The following CASP4 variants were observed in gnomAD, a reference collection of about 807,000 sequenced individuals.
The protein encoded by CASP4 is caspase 4.
CASP4 carries 29 observed loss-of-function variants against 41.3 expected under a neutral mutation model. The ratio of observed to expected loss-of-function variants is 0.70; its 90% CI spans 0.52 to 0.96. The LOEUF (loss-of-function observed/expected upper bound fraction) is 0.96. CASP4 is among the 40% of genes least tolerant of loss of function. The pLI, the probability that CASP4 is intolerant of heterozygous loss-of-function variation, is 0.00. For synonymous variants in CASP4, 185 were observed against 158.4 expected, an observed-to-expected ratio of 1.17 and a Z score of -1.26; for missense variants, 447 against 460.6, an observed-to-expected ratio of 0.97 and a Z score of 0.27.
At position 104,968,552 on chromosome 11, in the gene CASP4, A is replaced by G. The variant is rs1400694710; in HGVS notation, c.-27T>C. The G allele has an allele frequency of 6.2e-7, 1 of 1,612,468 alleles. No homozygotes were observed. The highest frequency in any genetic ancestry group is 1.1e-5 in the South Asian group (1 of 91,044). On this transcript the variant is annotated 5_prime_UTR_variant, in exon 1 of 9. Transcript: ENST00000444739. ...GGGAACAGCCTCTGTCCTTTTTTAC[A>G]GCGTTGGAAAGAGCCTCAGAGTCAA...
intron 1 of CASP4, among the ~76,000 whole-genome samples, chr11:104,962,092 G>GT (rs1565369630): frequency 1.3e-5 from 2 of 152,142 alleles, no homozygotes; most frequent in Admixed American, 1.3e-4. Context: ...ATGTTAAATG[G>GT]TTCCCCATGC....
chr11:104,961,944 G>T (rs1860870133), intron 1 of CASP4, among the ~76,000 whole-genome samples: 1 of 152,158 alleles, frequency 6.6e-6, no homozygotes. Context: ...CTGTTCTGAG[G>T]TCGTCCCTCC....
intron 5 of CASP4, 154 bp from the exon 6 acceptor site, chr11:104,948,830 A>ACACACG: frequency 2.1e-6 from 1 of 465,490 alleles, no homozygotes; most frequent in East Asian, 3.2e-5. Flanking sequence ...ACACACACAC[A>ACACACG]CACACACCAC....
intron 7 of CASP4, among the ~76,000 whole-genome samples, chr11:104,945,864 T>A (rs1293942244): frequency 6.6e-6 from 1 of 152,074 alleles, no homozygotes. Flanking sequence ...TTTCTTTTTT[T>A]AAGACAGGGT....
intron 1 of CASP4, among the ~76,000 whole-genome samples, chr11:104,963,653 T>A (rs540813): frequency 0.41 from 62,341 of 152,148 alleles, 13,763 homozygotes; most frequent in East Asian, 0.77. Context: ...CTGGGCCACC[T>A]GGAAGATACG....
At chr11:104,951,873 A>G (rs887708513) in intron 3 of CASP4, 23 bp downstream of exon 3, 5 of 1,453,928 alleles carry the variant, frequency 3.4e-6, no homozygotes, top group Admixed American at 3.4e-5. Flanking sequence ...TTTTTTTTCT[A>G]TTTCATATAG....
intron 1 of CASP4, among the ~76,000 whole-genome samples, chr11:104,958,519 A>G (rs1860786594): frequency 6.6e-6 from 1 of 152,200 alleles, no homozygotes; most frequent in Non-Finnish European, 1.5e-5. Context: ...GTATATGAAA[A>G]ATGATCAACC....
At chr11:104,963,850 T>C (rs1040219860) in intron 1 of CASP4, among the ~76,000 whole-genome samples, 2 of 152,176 alleles carry the variant, frequency 1.3e-5, no homozygotes, top group African/African-American at 2.4e-5. Context: ...TCCTTCATTT[T>C]GGAGATCTGT....
chr11:104,961,152 C>G (rs1039787483), intron 1 of CASP4, among the ~76,000 whole-genome samples: 5 of 152,250 alleles, frequency 3.3e-5, no homozygotes, highest in Non-Finnish European at 7.3e-5. Context: ...GCCTAGTTCT[C>G]TTGGACTGGG....
chr11:104,960,377 G>C (rs1281110226), intron 1 of CASP4, among the ~76,000 whole-genome samples: 1 of 152,140 alleles, frequency 6.6e-6, no homozygotes, highest in Non-Finnish European at 1.5e-5. Flanking sequence ...AATCCTCTCT[G>C]ATTCTTCCAG....
At position 104,954,945 on chromosome 11, in the gene CASP4, G is replaced by T. The variant is rs752867454; in HGVS notation, c.64C>A (p.Leu22Ile). The T allele has an allele frequency of 6.2e-7, 1 of 1,613,604 alleles. No homozygotes were observed. The highest frequency in any genetic ancestry group is 1.7e-5 in the Admixed American group (1 of 59,918). The change falls in exon 2 of 9, where the codon CTC becomes ATC. Residue 22 changes from leucine to isoleucine, a missense_variant. Coordinates refer to ENST00000444739, the MANE Select transcript of CASP4 (RefSeq NM_001225.4). ...KVLESLGKDF[L>I]TGVLDNLVEQ... is the part of the protein sequence containing the mutation. ...ACCAAGTTATCCAAAACACCAGTGA[G>T]GAAATCTTTGCCCAGGGATTCCAAC...
At chr11:104,948,771 T>A in intron 5 of CASP4, 95 bp from the exon 6 acceptor site, 1 of 1,138,852 alleles carries the variant, frequency 8.8e-7, no homozygotes, top group Non-Finnish European at 1.2e-6. Context: ...TCATTCTTAC[T>A]AGTTTCATAC....
intron 1 of CASP4, among the ~76,000 whole-genome samples, chr11:104,961,325 C>T (rs1860853670): frequency 6.6e-6 from 1 of 152,206 alleles, no homozygotes; most frequent in Non-Finnish European, 1.5e-5. Flanking sequence ...TGGTGAGTAT[C>T]CTAGGTGCTG....
chr11:104,947,226 T>C, intron 6 of CASP4, 34 bp from the exon 7 acceptor site: 1 of 1,222,090 alleles, frequency 8.2e-7, no homozygotes, highest in South Asian at 1.4e-5. Flanking sequence ...CCTTGGGCTA[T>C]GACTTTCACT....
At chr11:104,961,658 C>G (rs908241712) in intron 1 of CASP4, among the ~76,000 whole-genome samples, 11 of 152,164 alleles carry the variant, frequency 7.2e-5, no homozygotes, top group African/African-American at 2.2e-4. Flanking sequence ...TGAGATTTCT[C>G]AGACAGAGAA....
At position 104,968,153 on chromosome 11, in the gene CASP4, C is replaced by T. The variant is rs538544388; in HGVS notation, c.7+366G>A. On this transcript the variant is annotated intron_variant, in intron 1 of 8. Transcript: ENST00000444739. Reference sequence around the variant, plus strand: ...TCAGAGGCTCTCAGATCTGATTCTGCGAAAAAGGTTTGTGATCTGGGCAAT... The same window carrying T: ...TCAGAGGCTCTCAGATCTGATTCTGTGAAAAAGGTTTGTGATCTGGGCAAT... Among the ~76,000 whole-genome samples the T allele has an allele frequency of 2.9e-3, 444 of 151,978 alleles. 4 individuals carry two copies. Among genetic ancestry groups the T allele is most frequent in the African/African-American group, 0.01 (431 of 41,446 alleles).
intron 4 of CASP4, 126 bp from the exon 5 acceptor site, chr11:104,949,903 A>G: frequency 1.2e-6 from 1 of 841,920 alleles, no homozygotes; most frequent in Non-Finnish European, 1.9e-6. Flanking sequence ...CTTAGTGCTT[A>G]CTCAGTCATG....
chr11:104,966,315 C>CCGAT (rs55785137), intron 1 of CASP4, among the ~76,000 whole-genome samples: 15,300 of 152,130 alleles, frequency 0.1, 1,325 homozygotes, highest in African/African-American at 0.23. Flanking sequence ...ATTCCCCTAT[C>CCGAT]CATTCAGGTA....
At chr11:104,964,710 A>G (rs1860935276) in intron 1 of CASP4, among the ~76,000 whole-genome samples, 1 of 152,176 alleles carries the variant, frequency 6.6e-6, no homozygotes, top group Admixed American at 6.5e-5. Flanking sequence ...CTTGATCTGT[A>G]GTAAGTAAAG....
Sources: gnomAD v4.1 joint callset for allele counts (sites outside exome capture counted in the v4.1 genomes callset) on GRCh38, gnomAD v4.1.1 for gene constraint, MANE v1.5 for transcripts, NCBI Gene and HGNC (gene_info 2026-07-23, HGNC 2026-07-21) for gene names.